RBMS3: variants seen among roughly 807,000 people sequenced by gnomAD.
The protein encoded by RBMS3 is RNA binding motif single stranded interacting protein 3, also known as RNA-binding motif, single-stranded-interacting protein 3.
In RBMS3, 27 loss-of-function variants were observed where a neutral mutation model predicts 66.8. That is an observed-to-expected ratio of 0.40 (90% confidence interval 0.30 to 0.56). The LOEUF is 0.56. Among genes scored for constraint, RBMS3 ranks in the 20% least tolerant of loss-of-function variants. RBMS3 has a pLI of 0.40. For missense variants in RBMS3, 513 were observed against 549.5 expected (o/e 0.93, Z 0.66); for synonymous variants, 188 against 183.0 (o/e 1.03, Z -0.22).
chr3:29,963,073 G>A (rs1007258442), intron 12 of RBMS3, among the ~76,000 whole-genome samples: 3 of 149,978 alleles, frequency 2.0e-5, no homozygotes, highest in Non-Finnish European at 4.4e-5. Flanking sequence ...TTCCTGTTCA[G>A]AATGCAAGAT....
chr3:29,750,380 T>G (rs1015269538), intron 5 of RBMS3, among the ~76,000 whole-genome samples: 9 of 152,114 alleles, frequency 5.9e-5, no homozygotes, highest in African/African-American at 2.2e-4. Flanking sequence ...GTAGCCATGG[T>G]CAAAGATACA....
At chr3:29,865,009 A>G (rs568632487) in intron 6 of RBMS3, among the ~76,000 whole-genome samples, 26 of 109,366 alleles carry the variant, frequency 2.4e-4, no homozygotes, top group African/African-American at 7.6e-4. Context: ...AAGGGAAAGG[A>G]AGGGGAAGGG....
At chr3:29,535,307 T>C (rs1023865044) in intron 3 of RBMS3, among the ~76,000 whole-genome samples, 2 of 152,204 alleles carry the variant, frequency 1.3e-5, no homozygotes, top group African/African-American at 4.8e-5. Flanking sequence ...TGTTTTCATC[T>C]TGATAATTTG....
rs566088901 is a variant in RBMS3 at position 29,990,055 on chromosome 3, A to T, written c.1180-1027A>T. The stretch of plus-strand genomic sequence containing the variant: ...TTGATAAAAATATAAATATACTCTG[A>T]TATATTGCCTTGAACCAGTGATTAT... On this transcript the variant is annotated intron_variant, in intron 13 of 14. Coordinates refer to ENST00000383767, the MANE Select transcript of RBMS3 (RefSeq NM_001003793.3). Among the ~76,000 whole-genome samples, 14 of 152,304 alleles carry T rather than the reference A, an allele frequency of 9.2e-5. No individual in the cohort carries two copies. In the South Asian group the frequency reaches 1.0e-3, roughly 11 times the overall value.
chr3:29,667,872 T>A (rs879807557), intron 4 of RBMS3, among the ~76,000 whole-genome samples: 26 of 152,172 alleles, frequency 1.7e-4, no homozygotes, highest in Non-Finnish European at 3.5e-4. Context: ...CATGTACAAT[T>A]GTAACACAAA....
intron 2 of RBMS3, among the ~76,000 whole-genome samples, chr3:29,436,336 G>T (rs1004822980): frequency 6.6e-6 from 1 of 152,132 alleles, no homozygotes; most frequent in African/African-American, 2.4e-5. Flanking sequence ...CAAAACAGTA[G>T]GTACATTAGG....
intron 1 of RBMS3, among the ~76,000 whole-genome samples, chr3:29,370,106 C>A (rs2038122147): frequency 6.6e-6 from 1 of 152,118 alleles, no homozygotes; most frequent in African/African-American, 2.4e-5. Flanking sequence ...TCCAGGAGGT[C>A]TTTTTAATTG....
intron 3 of RBMS3, among the ~76,000 whole-genome samples, chr3:29,500,431 A>T (rs2043924540): frequency 6.7e-6 from 1 of 148,698 alleles, no homozygotes; most frequent in African/African-American, 2.4e-5. Context: ...ATATATATAT[A>T]ATTTTATTAT....
intron 3 of RBMS3, among the ~76,000 whole-genome samples, chr3:29,501,896 G>A (rs1256905411): frequency 1.3e-5 from 2 of 152,066 alleles, no homozygotes; most frequent in African/African-American, 2.4e-5. Flanking sequence ...ACGAAGAGCT[G>A]TGTAGTCCTC....
chr3:29,703,503 T>G (rs529007894), intron 4 of RBMS3, among the ~76,000 whole-genome samples: 1 of 152,366 alleles, frequency 6.6e-6, no homozygotes, highest in Non-Finnish European at 1.5e-5. Flanking sequence ...ACTTTCTATC[T>G]TAGTACATGT....
chr3:29,832,565 T>G (rs1576941252), intron 6 of RBMS3, among the ~76,000 whole-genome samples: 1 of 152,132 alleles, frequency 6.6e-6, no homozygotes, highest in East Asian at 1.9e-4. Flanking sequence ...CAAGAGAGGC[T>G]CCCTCAGCCT....
At chr3:29,818,987 T>A (rs952724490) in intron 6 of RBMS3, among the ~76,000 whole-genome samples, 4 of 152,162 alleles carry the variant, frequency 2.6e-5, no homozygotes, top group Admixed American at 2.6e-4. Flanking sequence ...TCTTAAAAAG[T>A]AGTTTTCTAG....
intron 1 of RBMS3, among the ~76,000 whole-genome samples, chr3:29,309,346 A>G (rs1251100545): frequency 6.6e-6 from 1 of 151,848 alleles, no homozygotes; most frequent in Non-Finnish European, 1.5e-5. Flanking sequence ...AGTCTGCTAG[A>G]AATTTATCTT....
At chr3:29,584,757 T>C (rs1475393193) in intron 3 of RBMS3, among the ~76,000 whole-genome samples, 1 of 152,102 alleles carries the variant, frequency 6.6e-6, no homozygotes, top group Non-Finnish European at 1.5e-5. Flanking sequence ...TAATTCTGCC[T>C]CCAAAATATA....
chr3:29,565,508 A>G (rs1236431331), intron 3 of RBMS3, among the ~76,000 whole-genome samples: 2 of 152,074 alleles, frequency 1.3e-5, no homozygotes, highest in East Asian at 1.9e-4. Flanking sequence ...GAGCTCACCT[A>G]TTTTTGTTTT....
intron 12 of RBMS3, among the ~76,000 whole-genome samples, chr3:29,983,462 G>C (rs958958893): frequency 6.6e-6 from 1 of 152,112 alleles, no homozygotes; most frequent in African/African-American, 2.4e-5. Flanking sequence ...TCATTATGAT[G>C]CTAGCTGGTT....
At chr3:29,621,912 G>A (rs57861949) in intron 4 of RBMS3, among the ~76,000 whole-genome samples, 12 of 152,206 alleles carry the variant, frequency 7.9e-5, no homozygotes, top group East Asian at 5.8e-4. Flanking sequence ...TCTAGTCTTC[G>A]CTTTTGCTGT....
At chr3:29,336,472 A>G (rs2035955171) in intron 1 of RBMS3, among the ~76,000 whole-genome samples, 1 of 151,586 alleles carries the variant, frequency 6.6e-6, no homozygotes, top group South Asian at 2.1e-4. Flanking sequence ...AAAAAAAACC[A>G]TAATCAACCT....
intron 3 of RBMS3, among the ~76,000 whole-genome samples, chr3:29,489,296 G>A (rs1305091168): frequency 6.6e-6 from 1 of 151,922 alleles, no homozygotes; most frequent in Non-Finnish European, 1.5e-5. Context: ...CAAGTTTTAG[G>A]AAAGAACACT....
Sources: allele counts gnomAD v4.1 joint callset (sites outside exome capture counted in the v4.1 genomes callset), GRCh38; gene constraint gnomAD v4.1.1; transcripts MANE v1.5; gene names NCBI Gene and HGNC (gene_info 2026-07-23, HGNC 2026-07-21).